The following PUM1 variants were observed in gnomAD, a reference collection of about 807,000 sequenced individuals.
The protein encoded by PUM1 is pumilio homolog 1.
PUM1 carries 13 observed loss-of-function variants against 131.8 expected under a neutral mutation model. The ratio of observed to expected loss-of-function variants is 0.10; its 90% CI spans 0.06 to 0.16. The LOEUF (loss-of-function observed/expected upper bound fraction) is 0.16, where lower values mean the gene tolerates loss of function less well. Among genes scored for constraint, PUM1 ranks in the 10% least tolerant of loss-of-function variants. The pLI is 1.00. For synonymous variants in PUM1, 509 were observed against 556.5 expected (o/e 0.91, Z 1.20); for missense variants, 961 against 1,512.4 (o/e 0.64, Z 6.05).
chr1:30,950,015 CA>C, intron 17 of PUM1, 111 bp downstream of exon 17: 3 of 1,266,884 alleles, frequency 2.4e-6, no homozygotes, highest in Non-Finnish European at 3.2e-6. Flanking sequence ...CAGCCATAAG[CA>C]ACAATGCAAA....
intron 20 of PUM1, among the ~76,000 whole-genome samples, chr1:30,937,440 G>A (rs1319497172): frequency 6.6e-6 from 1 of 152,002 alleles, no homozygotes; most frequent in African/African-American, 2.4e-5. Context: ...GGGAGGCGGA[G>A]GTTGCAGTGA....
intron 18 of PUM1, among the ~76,000 whole-genome samples, chr1:30,942,823 C>T (rs1482515480): frequency 6.6e-6 from 1 of 152,210 alleles, no homozygotes; most frequent in African/African-American, 2.4e-5. Context: ...GTGATCACAG[C>T]TCACTGCAGC....
chr1:30,986,477 G>A (rs1017963767), intron 7 of PUM1, among the ~76,000 whole-genome samples: 3 of 151,788 alleles, frequency 2.0e-5, no homozygotes, highest in African/African-American at 7.3e-5. Flanking sequence ...CAGGTTATTT[G>A]AACTACTGCA....
At chr1:31,061,403 G>A (rs1025788862) in intron 1 of PUM1, among the ~76,000 whole-genome samples, 3 of 151,448 alleles carry the variant, frequency 2.0e-5, no homozygotes, top group Non-Finnish European at 4.4e-5. Context: ...GGATCATGAG[G>A]TCAGGAGATC....
At chr1:31,023,586 T>C (rs991745412) in intron 3 of PUM1, among the ~76,000 whole-genome samples, 8 of 152,226 alleles carry the variant, frequency 5.3e-5, no homozygotes, top group African/African-American at 1.4e-4. Flanking sequence ...CGAACTCTGA[T>C]GGACACTTCA....
chr1:31,018,135 A>C (rs1442940306), intron 3 of PUM1, among the ~76,000 whole-genome samples: 1 of 152,020 alleles, frequency 6.6e-6, no homozygotes, highest in African/African-American at 2.4e-5. Context: ...GGATCACCTA[A>C]AGTCAGGAGT....
intron 5 of PUM1, 111 bp downstream of exon 5, chr1:31,005,742 G>C (rs1390970522): frequency 7.6e-6 from 8 of 1,049,486 alleles, no homozygotes; most frequent in Non-Finnish European, 1.1e-5. Context: ...AATTAATGCT[G>C]TGAACATCTA....
intron 12 of PUM1, 153 bp downstream of exon 12, chr1:30,967,014 T>G: frequency 1.4e-5 from 11 of 790,608 alleles, no homozygotes; most frequent in African/African-American, 1.8e-5. Flanking sequence ...TCCACTAAGG[T>G]CACTTATTGC....
intron 7 of PUM1, among the ~76,000 whole-genome samples, chr1:30,982,876 G>C (rs923724324): frequency 2.0e-4 from 30 of 152,166 alleles, no homozygotes; most frequent in Non-Finnish European, 1.5e-5. Flanking sequence ...TGCTTTTGGA[G>C]TATGAATGTC....
intron 16 of PUM1, 65 bp downstream of exon 16, chr1:30,952,169 C>A: frequency 6.6e-7 from 1 of 1,512,984 alleles, no homozygotes. Context: ...CTTAAAAAGG[C>A]TAATGAAAAT....
At chr1:30,973,582 GT>G (rs1641017311) in intron 10 of PUM1, among the ~76,000 whole-genome samples, 1 of 151,746 alleles carries the variant, frequency 6.6e-6, no homozygotes, top group East Asian at 1.9e-4. Flanking sequence ...AATGTACCTA[GT>G]AAAAATGTCA....
At chr1:31,057,045 G>A (rs554527760) in intron 2 of PUM1, among the ~76,000 whole-genome samples, 1 of 151,956 alleles carries the variant, frequency 6.6e-6, no homozygotes, top group Non-Finnish European at 1.5e-5. Context: ...CACCCACCTC[G>A]GCCTCCCAAA....
At chr1:30,963,687 C>A (rs943584151) in intron 14 of PUM1, among the ~76,000 whole-genome samples, 13 of 152,162 alleles carry the variant, frequency 8.5e-5, no homozygotes, top group Non-Finnish European at 1.8e-4. Flanking sequence ...TCCATGAAGC[C>A]ACTTTTAATC....
At chr1:31,059,648 C>T (rs1644324188) in intron 1 of PUM1, 71 bp from the exon 2 acceptor site, 12 of 1,478,710 alleles carry the variant, frequency 8.1e-6, no homozygotes, top group South Asian at 6.8e-5. Flanking sequence ...AAGATAAAAA[C>T]ATGAACCCCA....
chr1:30,965,658 T>C (rs1191648910), intron 13 of PUM1, among the ~76,000 whole-genome samples: 2 of 152,248 alleles, frequency 1.3e-5, no homozygotes, highest in Admixed American at 6.5e-5. Flanking sequence ...CTGCTATCTT[T>C]AGTAAGTCCT....
intron 2 of PUM1, among the ~76,000 whole-genome samples, chr1:31,030,149 C>T (rs939731834): frequency 2.0e-5 from 3 of 151,650 alleles, no homozygotes; most frequent in Non-Finnish European, 4.4e-5. Flanking sequence ...GCAGAGGTTG[C>T]GGTGAGCCAA....
At chr1:30,975,517 AT>A (rs751510345) in intron 9 of PUM1, among the ~76,000 whole-genome samples, 2,118 of 84,162 alleles carry the variant, frequency 0.025, 34 homozygotes, top group African/African-American at 0.072. Flanking sequence ...TACCTGACTA[AT>A]TTTTTTTTTT....
chr1:30,965,312 C>G (rs2124438825), intron 13 of PUM1, among the ~76,000 whole-genome samples: 1 of 152,254 alleles, frequency 6.6e-6, no homozygotes, highest in East Asian at 1.9e-4. Context: ...CTACACAAGA[C>G]TTCTATATGA....
chr1:30,969,545 C>T (rs929706420), intron 10 of PUM1, among the ~76,000 whole-genome samples: 2 of 152,124 alleles, frequency 1.3e-5, no homozygotes, highest in African/African-American at 4.8e-5. Context: ...TCTCACCTGA[C>T]TATTTCTATT....
Sources: gnomAD v4.1 joint callset for allele counts (sites outside exome capture counted in the v4.1 genomes callset) on GRCh38, gnomAD v4.1.1 for gene constraint, MANE v1.5 for transcripts, NCBI Gene and HGNC (gene_info 2026-07-23, HGNC 2026-07-21) for gene names.